IL1RAPL2: variants seen among roughly 807,000 people sequenced by gnomAD.
The protein encoded by IL1RAPL2 is X-linked interleukin-1 receptor accessory protein-like 2.
A neutral mutation model predicts 44.1 loss-of-function variants in IL1RAPL2; 3 were observed. That is an observed-to-expected ratio of 0.07 (90% CI 0.03 to 0.18). The LOEUF (loss-of-function observed/expected upper bound fraction) is 0.18, where lower values mean the gene tolerates loss of function less well. Among genes scored for constraint, IL1RAPL2 ranks in the 10% least tolerant of loss-of-function variants. IL1RAPL2 has a pLI of 1.00. For missense variants in IL1RAPL2, 391 were observed against 496.4 expected (o/e 0.79, Z 2.02); for synonymous variants, 181 against 178.8 (o/e 1.01, Z -0.10).
At chrX:105,099,453 C>CTTTTTT (rs36063657) in intron 2 of IL1RAPL2, among the ~76,000 whole-genome samples, 2 of 35,866 alleles carry the variant, frequency 5.6e-5, no homozygotes, top group African/African-American at 1.9e-4. Context: ...GTGCCACATA[C>CTTTTTT]TTTTTTTTTT....
chrX:105,697,697 C>A (rs1031473213), intron 6 of IL1RAPL2, among the ~76,000 whole-genome samples: 1 of 111,340 alleles, frequency 9.0e-6, no homozygotes, highest in Non-Finnish European at 1.9e-5. Context: ...TATTATGGCA[C>A]ATGCATATAA....
chrX:104,752,665 C>A (rs1001387731), intron 2 of IL1RAPL2, among the ~76,000 whole-genome samples: 3 of 110,396 alleles, frequency 2.7e-5, no homozygotes, highest in Non-Finnish European at 5.7e-5. Context: ...GTTAGGTATA[C>A]TATGGAGCAA....
intron 2 of IL1RAPL2, among the ~76,000 whole-genome samples, chrX:104,895,744 G>A (rs60318373): frequency 0.057 from 6,361 of 111,619 alleles, 467 homozygotes; most frequent in African/African-American, 0.2. Flanking sequence ...AGGTAAGGCA[G>A]TGCCTCACCC....
chrX:105,586,916 A>T (rs1394159334), intron 6 of IL1RAPL2, among the ~76,000 whole-genome samples: 1 of 112,052 alleles, frequency 8.9e-6, no homozygotes, highest in Non-Finnish European at 1.9e-5. Context: ...CTGGTTCCTC[A>T]ATTTAGAGAA....
intron 5 of IL1RAPL2, among the ~76,000 whole-genome samples, chrX:105,458,571 G>C (rs1363107818): frequency 9.0e-6 from 1 of 111,147 alleles, no homozygotes; most frequent in Non-Finnish European, 1.9e-5. Flanking sequence ...GTCTCTTCTG[G>C]GCCAAGTATA....
At chrX:105,005,246 C>T (rs951587466) in intron 2 of IL1RAPL2, among the ~76,000 whole-genome samples, 3 of 111,401 alleles carry the variant, frequency 2.7e-5, no homozygotes, top group Non-Finnish European at 3.8e-5. Flanking sequence ...CCTGTAGCCT[C>T]CTACAATGCT....
At chrX:105,454,065 G>A (rs751477363) in intron 5 of IL1RAPL2, among the ~76,000 whole-genome samples, 3 of 111,261 alleles carry the variant, frequency 2.7e-5, no homozygotes, top group Non-Finnish European at 3.8e-5. Flanking sequence ...GTCAGCATAC[G>A]AAGCAAAGCA....
intron 4 of IL1RAPL2, among the ~76,000 whole-genome samples, chrX:105,253,858 A>G (rs2034292714): frequency 9.0e-6 from 1 of 111,672 alleles, no homozygotes; most frequent in Non-Finnish European, 1.9e-5. Flanking sequence ...AGCTCCATCC[A>G]TGTTCCCATA....
intron 5 of IL1RAPL2, among the ~76,000 whole-genome samples, chrX:105,321,607 A>C (rs2034898053): frequency 8.9e-6 from 1 of 112,290 alleles, no homozygotes; most frequent in African/African-American, 3.2e-5. Context: ...AAGAGTGTTT[A>C]CTATATCTTG....
intron 8 of IL1RAPL2, among the ~76,000 whole-genome samples, chrX:105,742,202 G>T (rs145428964): frequency 9.0e-6 from 1 of 111,188 alleles, no homozygotes; most frequent in Non-Finnish European, 1.9e-5. Context: ...TATTAATGAA[G>T]ACTTAGCTAT....
chrX:105,639,458 T>G (rs2037548698), intron 6 of IL1RAPL2, among the ~76,000 whole-genome samples: 1 of 110,669 alleles, frequency 9.0e-6, no homozygotes, highest in African/African-American at 3.3e-5. Context: ...ACCATTAAGG[T>G]GATACTGAAA....
At chrX:104,825,301 C>T (rs1409854135) in intron 2 of IL1RAPL2, among the ~76,000 whole-genome samples, 2 of 111,760 alleles carry the variant, frequency 1.8e-5, no homozygotes, top group African/African-American at 3.3e-5. Context: ...TTTGAGAGGC[C>T]GCTAACAGTG....
rs973369227 is a variant in IL1RAPL2, at chrX:105,425,874, A to G, written c.698-58439A>G. ...TAACACCAACAAAAAGAACATCAAC[A>G]AACCAGCCTGACTAAGCCCAGACCC... is the stretch of plus-strand genomic sequence containing the variant. On this transcript the variant is annotated intron_variant, in intron 5 of 10. Coordinates refer to ENST00000372582, the MANE Select transcript of IL1RAPL2 (RefSeq NM_017416.2). Among the ~76,000 whole-genome samples, 7 of 110,487 alleles carry G rather than the reference A, an allele frequency of 6.3e-5. No individual in the cohort carries two copies. In the East Asian group the frequency reaches 2.0e-3, roughly 32 times the overall value.
intron 1 of IL1RAPL2, among the ~76,000 whole-genome samples, chrX:104,585,064 C>T (rs1008444654): frequency 1.0e-5 from 1 of 97,391 alleles, no homozygotes; most frequent in Admixed American, 1.3e-4. Context: ...AAAATGGATT[C>T]ATTTGGAATC....
intron 5 of IL1RAPL2, among the ~76,000 whole-genome samples, chrX:105,369,779 T>C (rs1031446849): frequency 9.0e-6 from 1 of 111,405 alleles, no homozygotes; most frequent in Non-Finnish European, 1.9e-5. Context: ...TGAGATGCTC[T>C]ATCTGTGCCA....
chrX:105,485,378 G>A (rs1189401761), intron 6 of IL1RAPL2, among the ~76,000 whole-genome samples: 1 of 110,999 alleles, frequency 9.0e-6, no homozygotes, highest in East Asian at 2.8e-4. Flanking sequence ...TTTTGATACA[G>A]GTATACAATG....
At chrX:104,778,319 G>T (rs1314205700) in intron 2 of IL1RAPL2, among the ~76,000 whole-genome samples, 1 of 111,045 alleles carries the variant, frequency 9.0e-6, no homozygotes, top group East Asian at 2.8e-4. Flanking sequence ...GTAAGTAAAT[G>T]AATGAATTCA....
chrX:104,686,366 C>T (rs991539526), intron 2 of IL1RAPL2, among the ~76,000 whole-genome samples: 39 of 112,082 alleles, frequency 3.5e-4, no homozygotes, highest in African/African-American at 1.2e-3. Context: ...CCTTATTTTT[C>T]ACGCTTGGTA....
chrX:105,323,521 C>A (rs2034911921), intron 5 of IL1RAPL2, among the ~76,000 whole-genome samples: 1 of 111,275 alleles, frequency 9.0e-6, no homozygotes, highest in African/African-American at 3.3e-5. Flanking sequence ...AGGTTGTAAG[C>A]AACTTGAGAG....
Sources: allele counts gnomAD v4.1 joint callset (sites outside exome capture counted in the v4.1 genomes callset), GRCh38; gene constraint gnomAD v4.1.1; transcripts MANE v1.5; gene names NCBI Gene and HGNC (gene_info 2026-07-23, HGNC 2026-07-21).